TAF15: variants seen among roughly 807,000 people sequenced by gnomAD.
TAF15 encodes the protein TATA-box binding protein associated factor 15.
Under a neutral mutation model 102.5 loss-of-function variants are expected in TAF15, and 37 were observed. The ratio of observed to expected loss-of-function variants is 0.36; its 90% CI spans 0.28 to 0.47. The LOEUF is 0.47. TAF15 is among the 20% of genes least tolerant of loss of function. The pLI is 0.99. For missense variants in TAF15, 652 were observed against 760.7 expected, an observed-to-expected ratio of 0.86 and a Z score of 1.68; for synonymous variants, 273 against 259.2, an observed-to-expected ratio of 1.05 and a Z score of -0.51.
intron 7 of TAF15, chr17:35,829,996 T>G (rs2087382530): frequency 6.6e-6 from 1 of 151,758 alleles, no homozygotes; most frequent in Non-Finnish European, 1.5e-5. Context: ...AAAAATTAGC[T>G]GGGCATGGTG....
chr17:35,837,496 T>G (rs2087490277), intron 10 of TAF15, among the ~76,000 whole-genome samples: 1 of 151,786 alleles, frequency 6.6e-6, no homozygotes, highest in African/African-American at 2.4e-5. Flanking sequence ...TTCTCCCTTG[T>G]CTTATCCCAG....
chr17:35,838,346 T>A (rs998586623), intron 10 of TAF15, 78 bp from the exon 11 acceptor site: 3 of 1,583,970 alleles, frequency 1.9e-6, no homozygotes, highest in African/African-American at 2.7e-5. Context: ...GTAAAAAAAA[T>A]AAATCTTTGA....
At chr17:35,833,860 A>G (rs748246904) in intron 7 of TAF15, 47 bp from the exon 8 acceptor site, 21 of 1,602,454 alleles carry the variant, frequency 1.3e-5, no homozygotes, top group Non-Finnish European at 1.6e-5. Context: ...GGCTCAGCAC[A>G]TTAGAGACTT....
At chr17:35,841,742 G>C (rs1195311198) in intron 11 of TAF15, among the ~76,000 whole-genome samples, 1 of 147,904 alleles carries the variant, frequency 6.8e-6, no homozygotes, top group Non-Finnish European at 1.5e-5. Context: ...CTGTCTTCCA[G>C]GCTAGTACAC....
intron 7 of TAF15, among the ~76,000 whole-genome samples, chr17:35,827,609 G>T (rs1306332294): frequency 6.6e-6 from 1 of 152,022 alleles, no homozygotes; most frequent in Non-Finnish European, 1.5e-5. Context: ...GGGAGGCTGA[G>T]ACAGGAGAAT....
At chr17:35,838,936 T>C (rs1480539357) in intron 11 of TAF15, among the ~76,000 whole-genome samples, 1 of 152,160 alleles carries the variant, frequency 6.6e-6, no homozygotes, top group Non-Finnish European at 1.5e-5. Flanking sequence ...ATGTACATTT[T>C]ACCCATTAAG....
intron 11 of TAF15, among the ~76,000 whole-genome samples, chr17:35,840,882 G>T (rs1350244773): frequency 1.3e-5 from 2 of 151,824 alleles, no homozygotes; most frequent in African/African-American, 2.4e-5. Context: ...AAATGAAATT[G>T]TAGTACCCTG....
intron 15 of TAF15, among the ~76,000 whole-genome samples, 188 bp from the exon 16 acceptor site, chr17:35,846,718 T>C (rs779042991): frequency 9.2e-5 from 14 of 152,226 alleles, no homozygotes; most frequent in Non-Finnish European, 1.6e-4. Context: ...CTAGGAACTT[T>C]GTGAATCTTA....
chr17:35,823,805 A>C, intron 6 of TAF15: 1 of 511,530 alleles, frequency 2.0e-6, no homozygotes. Flanking sequence ...ACTGTTCCAC[A>C]TTACTGTTTT....
At chr17:35,811,413 GT>G (rs1488070188) in intron 1 of TAF15, 1 of 152,112 alleles carries the variant, frequency 6.6e-6, no homozygotes, top group East Asian at 1.9e-4. Context: ...CTAGACGCTT[GT>G]TTTTAAATTA....
At chr17:35,837,923 T>G (rs1245175884) in intron 10 of TAF15, among the ~76,000 whole-genome samples, 1 of 152,112 alleles carries the variant, frequency 6.6e-6, no homozygotes, top group African/African-American at 2.4e-5. Flanking sequence ...ATTCCTGTAA[T>G]CAGCACTTAA....
intron 6 of TAF15, chr17:35,823,849 A>G: frequency 1.7e-6 from 1 of 601,974 alleles, no homozygotes; most frequent in Non-Finnish European, 3.0e-6. Context: ...AATTTGACAC[A>G]GATACATTAC....
intron 8 of TAF15, 122 bp downstream of exon 8, chr17:35,834,063 T>C: frequency 1.2e-6 from 1 of 834,220 alleles, no homozygotes; most frequent in East Asian, 2.8e-5. Flanking sequence ...GTGTGTTGTG[T>C]GCTTTAAAAA....
At chr17:35,841,646 C>T (rs2087547187) in intron 11 of TAF15, among the ~76,000 whole-genome samples, 1 of 151,518 alleles carries the variant, frequency 6.6e-6, no homozygotes, top group Admixed American at 6.6e-5. Context: ...CCCAAGCTTT[C>T]CTTGGCCTCC....
At chr17:35,836,310 G>T in intron 10 of TAF15, 69 bp downstream of exon 10, 2 of 1,145,940 alleles carry the variant, frequency 1.7e-6, no homozygotes. Flanking sequence ...AGACTATGTA[G>T]TAAGCCTACA....
At chr17:35,842,187 T>C (rs991210246) in intron 11 of TAF15, among the ~76,000 whole-genome samples, 180 bp from the exon 12 acceptor site, 3 of 152,274 alleles carry the variant, frequency 2.0e-5, no homozygotes, top group South Asian at 2.1e-4. Context: ...GTGACAGATA[T>C]GCTCTTTTCA....
At chr17:35,812,679 A>G (rs1221408770) in intron 1 of TAF15, among the ~76,000 whole-genome samples, 1 of 152,152 alleles carries the variant, frequency 6.6e-6, no homozygotes, top group East Asian at 1.9e-4. Flanking sequence ...AAGCCTTGCA[A>G]AAGATATGTT....
At position 35,837,711 on chromosome 17, in the gene TAF15, C is replaced by T. The variant is rs544218171; in HGVS notation, c.784-713C>T. On this transcript the variant is annotated intron_variant, in intron 10 of 15. Coordinates refer to ENST00000605844, the MANE Select transcript of TAF15 (RefSeq NM_139215.3). ...GCGTGGTGGCATGCGCCTGTAGTCC[C>T]AGCTACTTGGGCGGCTGAGGCAGGA... Among the ~76,000 whole-genome samples, 236 of 152,052 alleles carry T rather than the reference C, an allele frequency of 1.6e-3. 1 individual carries two copies. The highest frequency in any genetic ancestry group is 5.5e-3 in the African/African-American group (229 of 41,480).
intron 2 of TAF15, chr17:35,818,670 A>AC (rs1277421854): frequency 6.6e-6 from 1 of 152,056 alleles, no homozygotes; most frequent in Non-Finnish European, 1.5e-5. Context: ...AATTATCCAG[A>AC]CATAGTGGTG....
Sources: gnomAD v4.1 joint callset for allele counts (sites outside exome capture counted in the v4.1 genomes callset) on GRCh38, gnomAD v4.1.1 for gene constraint, MANE v1.5 for transcripts, NCBI Gene and HGNC (gene_info 2026-07-23, HGNC 2026-07-21) for gene names.